The following RALYL variants were observed in gnomAD, a reference collection of about 807,000 sequenced individuals.
The protein encoded by RALYL is RALY RNA binding protein like.
In RALYL, 29 loss-of-function variants were observed where a neutral mutation model predicts 35.1. The observed-to-expected ratio is 0.83, with a 90% CI of 0.61 to 1.13. The LOEUF (loss-of-function observed/expected upper bound fraction) is 1.13, where lower values mean the gene tolerates loss of function less well. RALYL is among the 50% of genes most tolerant of loss of function. The pLI is 0.00. For synonymous variants in RALYL, 120 were observed against 127.6 expected (o/e 0.94, Z 0.40); for missense variants, 359 against 360.4 (o/e 1.00, Z 0.03).
intron 1 of RALYL, among the ~76,000 whole-genome samples, chr8:84,523,433 G>C (rs2058623784): frequency 6.6e-6 from 1 of 152,148 alleles, no homozygotes; most frequent in Non-Finnish European, 1.5e-5. Flanking sequence ...TTCAAGGTGA[G>C]ATTTGGGTGG....
At chr8:84,893,779 A>C (rs1844275062) in intron 8 of RALYL, among the ~76,000 whole-genome samples, 1 of 152,240 alleles carries the variant, frequency 6.6e-6, no homozygotes, top group Admixed American at 6.5e-5. Context: ...ATAGACAAGC[A>C]AAACATTTAA....
intron 1 of RALYL, among the ~76,000 whole-genome samples, chr8:84,202,432 G>A (rs991603226): frequency 6.7e-6 from 1 of 148,556 alleles, no homozygotes; most frequent in African/African-American, 2.5e-5. Context: ...GAGTGTAGCG[G>A]TGCAATCTTG....
chr8:84,385,646 A>G (rs1321790123), intron 1 of RALYL, among the ~76,000 whole-genome samples: 3 of 151,858 alleles, frequency 2.0e-5, no homozygotes, highest in Non-Finnish European at 2.9e-5. Flanking sequence ...CTTCTCCTCA[A>G]GATTGACTCT....
chr8:84,618,263 A>G (rs1298722049), intron 2 of RALYL, among the ~76,000 whole-genome samples: 1 of 151,768 alleles, frequency 6.6e-6, no homozygotes, highest in Non-Finnish European at 1.5e-5. Flanking sequence ...TATTGCCACA[A>G]TTTCAGAGTC....
intron 1 of RALYL, among the ~76,000 whole-genome samples, chr8:84,218,731 T>A (rs976609051): frequency 1.3e-5 from 2 of 151,958 alleles, no homozygotes; most frequent in African/African-American, 4.8e-5. Flanking sequence ...ACCTCAACAG[T>A]CAGTTTATTG....
chr8:84,808,487 G>T (rs1825186714), intron 4 of RALYL, among the ~76,000 whole-genome samples: 1 of 152,006 alleles, frequency 6.6e-6, no homozygotes, highest in Non-Finnish European at 1.5e-5. Flanking sequence ...GGCTATACGG[G>T]CTCTTTTTTG....
At chr8:84,363,728 T>A (rs1853594466) in intron 1 of RALYL, among the ~76,000 whole-genome samples, 1 of 152,134 alleles carries the variant, frequency 6.6e-6, no homozygotes, top group Admixed American at 6.5e-5. Context: ...CATCCCAGGA[T>A]CATGCTGGGG....
At chr8:84,770,785 TC>T (rs1815285164) in intron 2 of RALYL, among the ~76,000 whole-genome samples, 1 of 152,210 alleles carries the variant, frequency 6.6e-6, no homozygotes, top group Non-Finnish European at 1.5e-5. Context: ...GATTTGCATT[TC>T]CCTGATCATT....
chr8:84,546,428 A>C (rs1172105355), intron 2 of RALYL, among the ~76,000 whole-genome samples: 1 of 152,158 alleles, frequency 6.6e-6, no homozygotes, highest in East Asian at 1.9e-4. Flanking sequence ...GCCAAGAGAG[A>C]AATCTTAATG....
In RALYL at chr8:84,876,866, ATAAAT is replaced by A. The variant is rs531893836; in HGVS notation, c.685+3473_685+3477del. On this transcript the variant is annotated intron_variant, in intron 7 of 8. Transcript: ENST00000521268. ...GGTATAAGAGATGAAGTTTTCAAAA[ATAAAT>A]TAATGTCCAAAAATTGGAGTATTGT... 1.7e-4 allele frequency among the ~76,000 whole-genome samples: 26 copies of A among 152,300 alleles called. No homozygotes were observed. The East Asian group carries it at 4.4e-3, about 26-fold the overall frequency.
At chr8:84,408,798 A>T (rs138274373) in intron 1 of RALYL, among the ~76,000 whole-genome samples, 58 of 152,310 alleles carry the variant, frequency 3.8e-4, no homozygotes, top group African/African-American at 1.3e-3. Context: ...TGCTATATGT[A>T]GAACATACTA....
At chr8:84,396,345 C>T (rs968814426) in intron 1 of RALYL, among the ~76,000 whole-genome samples, 3 of 151,974 alleles carry the variant, frequency 2.0e-5, no homozygotes, top group Non-Finnish European at 4.4e-5. Flanking sequence ...TTATATAGTT[C>T]TTAAAAGATC....
At chr8:84,514,090 T>TAA (rs57881021) in intron 1 of RALYL, among the ~76,000 whole-genome samples, 10,813 of 41,054 alleles carry the variant, frequency 0.26, 1,545 homozygotes, top group Non-Finnish European at 0.33. Flanking sequence ...AGATTTCATC[T>TAA]AAAAAAAAAA....
intron 2 of RALYL, among the ~76,000 whole-genome samples, chr8:84,768,436 A>G (rs1814625664): frequency 6.6e-6 from 1 of 152,166 alleles, no homozygotes. Context: ...ACCCTCCTCC[A>G]TGGAATCCTT....
chr8:84,299,613 G>T (rs1010375745), intron 1 of RALYL, among the ~76,000 whole-genome samples: 11 of 151,830 alleles, frequency 7.2e-5, no homozygotes, highest in African/African-American at 2.7e-4. Flanking sequence ...TTCCCTGGTT[G>T]GTCGGCTTTT....
chr8:84,567,589 T>C (rs987372220), intron 2 of RALYL, among the ~76,000 whole-genome samples: 1 of 151,896 alleles, frequency 6.6e-6, no homozygotes, highest in African/African-American at 2.4e-5. Flanking sequence ...ACATGTTCTT[T>C]ATCTAATCAA....
chr8:84,319,946 T>G (rs920186938), intron 1 of RALYL, among the ~76,000 whole-genome samples: 1 of 152,114 alleles, frequency 6.6e-6, no homozygotes, highest in Non-Finnish European at 1.5e-5. Context: ...ATAGCTTATA[T>G]TTATGTATAA....
chr8:84,425,664 C>T (rs1252403692), intron 1 of RALYL, among the ~76,000 whole-genome samples: 1 of 152,192 alleles, frequency 6.6e-6, no homozygotes, highest in Non-Finnish European at 1.5e-5. Flanking sequence ...AATTATTAAA[C>T]TTAATATCCT....
intron 1 of RALYL, among the ~76,000 whole-genome samples, chr8:84,315,613 A>G (rs1336727133): frequency 6.6e-6 from 1 of 152,104 alleles, no homozygotes; most frequent in Non-Finnish European, 1.5e-5. Flanking sequence ...AACATCTATC[A>G]AAATTGGTTG....
Sources: gnomAD v4.1 joint callset for allele counts (sites outside exome capture counted in the v4.1 genomes callset) on GRCh38, gnomAD v4.1.1 for gene constraint, MANE v1.5 for transcripts, NCBI Gene and HGNC (gene_info 2026-07-23, HGNC 2026-07-21) for gene names.